Variants in GPC6 observed in about 807,000 individuals in gnomAD.
GPC6 encodes the protein glypican-6.
GPC6 carries 14 observed loss-of-function variants against 55.2 expected under a neutral mutation model. The observed-to-expected ratio is 0.25, with a 90% confidence interval of 0.17 to 0.40. The LOEUF is 0.40. GPC6 is among the 10% of genes least tolerant of loss of function. GPC6 has a pLI of 1.00. For synonymous variants in GPC6, 278 were observed against 259.6 expected, an observed-to-expected ratio of 1.07 and a Z score of -0.68; for missense variants, 641 against 708.5, an observed-to-expected ratio of 0.90 and a Z score of 1.08.
chr13:93,311,871 A>G (rs1213701161), intron 1 of GPC6, among the ~76,000 whole-genome samples: 1 of 152,154 alleles, frequency 6.6e-6, no homozygotes, highest in Non-Finnish European at 1.5e-5. Flanking sequence ...GATGTCGGTT[A>G]ACTACTGAGG....
intron 2 of GPC6, among the ~76,000 whole-genome samples, chr13:93,657,365 C>T (rs1324345714): frequency 6.6e-6 from 1 of 151,972 alleles, no homozygotes; most frequent in African/African-American, 2.4e-5. Context: ...ACTTTCTATT[C>T]AATAAATAAT....
chr13:94,327,898 G>A (rs1877207402), intron 6 of GPC6, among the ~76,000 whole-genome samples: 1 of 152,100 alleles, frequency 6.6e-6, no homozygotes, highest in Non-Finnish European at 1.5e-5. Context: ...TCTAGGAGAG[G>A]AAACAGGGCC....
intron 1 of GPC6, among the ~76,000 whole-genome samples, chr13:93,288,865 T>TG (rs1878224108): frequency 1.3e-5 from 2 of 152,294 alleles, no homozygotes; most frequent in Non-Finnish European, 2.9e-5. Flanking sequence ...TTCTGCAAAG[T>TG]GGTTAAACCA....
intron 3 of GPC6, among the ~76,000 whole-genome samples, chr13:93,881,009 A>G (rs916641098): frequency 5.9e-5 from 9 of 152,224 alleles, no homozygotes; most frequent in East Asian, 1.9e-4. Context: ...ATTCTTTTCA[A>G]TTCTTGGTAT....
chr13:94,027,687 T>C (rs779116906), intron 3 of GPC6, 42 bp from the exon 4 acceptor site: 2 of 1,587,398 alleles, frequency 1.3e-6, no homozygotes, highest in African/African-American at 2.7e-5. Context: ...CTCTTTATCC[T>C]TCTTATTTTT....
At chr13:93,789,356 G>T (rs1320955520) in intron 2 of GPC6, among the ~76,000 whole-genome samples, 1 of 151,324 alleles carries the variant, frequency 6.6e-6, no homozygotes, top group Non-Finnish European at 1.5e-5. Context: ...CACTGTTAAG[G>T]TAGTAAAAGA....
chr13:93,287,289 C>T (rs1878165857), intron 1 of GPC6, among the ~76,000 whole-genome samples: 1 of 152,086 alleles, frequency 6.6e-6, no homozygotes, highest in African/African-American at 2.4e-5. Context: ...AAAAAGTCGC[C>T]AATGAGAACA....
intron 2 of GPC6, among the ~76,000 whole-genome samples, chr13:93,645,901 A>T (rs570123789): frequency 1.3e-5 from 2 of 152,206 alleles, no homozygotes; most frequent in Admixed American, 6.5e-5. Flanking sequence ...GGAATAACAA[A>T]ATACTATTAA....
intron 1 of GPC6, among the ~76,000 whole-genome samples, chr13:93,445,044 T>G (rs58349728): frequency 0.025 from 3,759 of 152,278 alleles, 181 homozygotes; most frequent in African/African-American, 0.085. Flanking sequence ...CTTTATATCA[T>G]TGTCACTTGG....
chr13:93,651,163 TA>T (rs1880391612), intron 2 of GPC6, among the ~76,000 whole-genome samples: 1 of 152,114 alleles, frequency 6.6e-6, no homozygotes. Flanking sequence ...TGAAATACTT[TA>T]AAAATGCAGA....
chr13:93,461,029 TTAG>T (rs1424739275), intron 1 of GPC6, among the ~76,000 whole-genome samples: 5 of 152,162 alleles, frequency 3.3e-5, no homozygotes, highest in African/African-American at 9.7e-5. Context: ...GAGTAAATAC[TTAG>T]TAAAACTTGA....
chr13:94,248,287 C>A (rs559810560), intron 4 of GPC6, among the ~76,000 whole-genome samples: 34 of 152,244 alleles, frequency 2.2e-4, no homozygotes, highest in African/African-American at 8.2e-4. Context: ...CCTGTTCTGA[C>A]AGCAACATCT....
At chr13:93,989,882 A>G (rs889540612) in intron 3 of GPC6, among the ~76,000 whole-genome samples, 5 of 147,958 alleles carry the variant, frequency 3.4e-5, no homozygotes, top group African/African-American at 1.2e-4. Flanking sequence ...TAAACTTTAT[A>G]TATGTATATA....
intron 1 of GPC6, among the ~76,000 whole-genome samples, chr13:93,232,055 C>G (rs1217140297): frequency 1.3e-5 from 2 of 152,004 alleles, no homozygotes; most frequent in Non-Finnish European, 2.9e-5. Context: ...TCTGTCTGCT[C>G]CCCCGGCAAA....
chr13:94,118,163 C>A lies in GPC6; in HGVS notation c.877+90269C>A, dbSNP rs556185824. Reference sequence around the variant, plus strand: ...CATCTTGAATTGTAGTTCTCATAATCCCCAAGTGTCATAGGAGGGACCCAG... The same window carrying A: ...CATCTTGAATTGTAGTTCTCATAATACCCAAGTGTCATAGGAGGGACCCAG... On this transcript the variant is annotated intron_variant, in intron 4 of 8. Transcript: ENST00000377047. 3.3e-5 allele frequency among the ~76,000 whole-genome samples: 5 copies of A among 152,086 alleles called. No homozygotes were observed. The East Asian group carries it at 9.7e-4, about 30-fold the overall frequency.
At chr13:93,929,632 A>G (rs1245194585) in intron 3 of GPC6, among the ~76,000 whole-genome samples, 1 of 152,134 alleles carries the variant, frequency 6.6e-6, no homozygotes, top group African/African-American at 2.4e-5. Flanking sequence ...TGGGAATTAG[A>G]CCTTCTTGCC....
chr13:94,037,273 G>C (rs1005349287), intron 4 of GPC6, among the ~76,000 whole-genome samples: 1 of 151,708 alleles, frequency 6.6e-6, no homozygotes. Context: ...TAAAATGTTC[G>C]GCAAGTTCTT....
chr13:94,073,977 G>A (rs1383839116), intron 4 of GPC6, among the ~76,000 whole-genome samples: 2 of 152,132 alleles, frequency 1.3e-5, no homozygotes, highest in South Asian at 2.1e-4. Context: ...TAAAAATGAA[G>A]GTGAAGCCAT....
chr13:93,587,482 A>T (rs186224599), intron 2 of GPC6, among the ~76,000 whole-genome samples: 88 of 152,320 alleles, frequency 5.8e-4, no homozygotes, highest in African/African-American at 1.9e-3. Context: ...GGGAAATCAC[A>T]TCAATTTGTT....
Sources: gnomAD v4.1 joint callset for allele counts (sites outside exome capture counted in the v4.1 genomes callset) on GRCh38, gnomAD v4.1.1 for gene constraint, MANE v1.5 for transcripts, NCBI Gene and HGNC (gene_info 2026-07-23, HGNC 2026-07-21) for gene names.